Variants in ANK2 observed in about 807,000 individuals in gnomAD.
The protein encoded by ANK2 is ankyrin 2, also known as ankyrin-2.
In ANK2, 83 loss-of-function variants were observed where a neutral mutation model predicts 360.5. That is an observed-to-expected ratio of 0.23 (90% CI 0.19 to 0.28). The LOEUF is 0.28. ANK2 is among the 10% of genes least tolerant of loss of function. ANK2 has a pLI of 1.00. For synonymous variants in ANK2, 1,740 were observed against 1,759.5 expected (o/e 0.99, Z 0.28); for missense variants, 4,201 against 4,795.7 (o/e 0.88, Z 3.66).
At chr4:113,360,292 A>G (rs371011952) in intron 38 of ANK2, among the ~76,000 whole-genome samples, 164 of 152,328 alleles carry the variant, frequency 1.1e-3, no homozygotes, top group African/African-American at 3.7e-3. Flanking sequence ...TCGTTTCTCC[A>G]AGGTCACCAG....
At chr4:112,983,048 T>A (rs929544118) in intron 2 of ANK2, among the ~76,000 whole-genome samples, 1 of 152,190 alleles carries the variant, frequency 6.6e-6, no homozygotes, top group Non-Finnish European at 1.5e-5. Flanking sequence ...ACTAATAATA[T>A]AATAGTAACT....
At chr4:112,785,863 C>A in the ANK2 span, among the ~76,000 whole-genome samples, 1 of 151,998 alleles carries the variant, frequency 6.6e-6, no homozygotes, top group South Asian at 2.1e-4. Context: ...TTTTTTGAGA[C>A]AGTCTCTTGC....
At chr4:113,181,389 G>C (rs1428445715) in intron 2 of ANK2, among the ~76,000 whole-genome samples, 1 of 152,078 alleles carries the variant, frequency 6.6e-6, no homozygotes, top group African/African-American at 2.4e-5. Flanking sequence ...TAGTAGAATC[G>C]CAGCATTTTT....
intron 1 of ANK2, among the ~76,000 whole-genome samples, chr4:113,104,503 C>G (rs1324248406): frequency 6.6e-6 from 1 of 152,138 alleles, no homozygotes; most frequent in Non-Finnish European, 1.5e-5. Context: ...CACCTGAGAT[C>G]AGGAGTTTGA....
intron 22 of ANK2, among the ~76,000 whole-genome samples, chr4:113,299,899 G>A (rs930456378): frequency 6.6e-5 from 10 of 151,940 alleles, no homozygotes; most frequent in African/African-American, 1.7e-4. Flanking sequence ...AGCTGGGCCC[G>A]ATCCCTATGG....
At chr4:113,322,687 G>T (rs555118154) in intron 26 of ANK2, among the ~76,000 whole-genome samples, 262 of 152,214 alleles carry the variant, frequency 1.7e-3, no homozygotes, top group Non-Finnish European at 3.1e-3. Flanking sequence ...GTCTTTTAAA[G>T]AACTTCTTTT....
At chr4:113,115,511 G>A (rs549437280) in intron 1 of ANK2, among the ~76,000 whole-genome samples, 192 of 152,116 alleles carry the variant, frequency 1.3e-3, no homozygotes, top group African/African-American at 4.4e-3. Flanking sequence ...TTTGACTTTC[G>A]AATCAGATTA....
At position 113,237,089 on chromosome 4, in the gene ANK2, C is replaced by T. The variant is rs140717752; in HGVS notation, c.586C>T (p.Leu196=). Residue 196 remains leucine, a synonymous_variant, in exon 6 of 46, where the codon CTG becomes TTG. Transcript: ENST00000357077. ...CAAAGGGAAAGTGAGGCTGCCAGCTCTGCATATTGCCGCTAGGAAAGACGA... is the reference window on the plus strand; with the variant it reads ...CAAAGGGAAAGTGAGGCTGCCAGCTTTGCATATTGCCGCTAGGAAAGACGA... ...DTKGKVRLPA[L]HIAARKDDTK... 23 of 1,614,060 alleles carry T rather than the reference C, an allele frequency of 1.4e-5. No homozygotes were observed. The highest frequency in any genetic ancestry group is 1.8e-5 in the Non-Finnish European group (21 of 1,180,028).
intron 1 of ANK2, among the ~76,000 whole-genome samples, chr4:112,904,121 A>G (rs2084392686): frequency 6.6e-6 from 1 of 152,204 alleles, no homozygotes; most frequent in African/African-American, 2.4e-5. Context: ...GCATTTAGAC[A>G]GACTCTGAAA....
At chr4:112,769,249 TAA>T in the ANK2 span, among the ~76,000 whole-genome samples, 2 of 152,210 alleles carry the variant, frequency 1.3e-5, no homozygotes, top group Non-Finnish European at 2.9e-5. Context: ...CATAGAAAAC[TAA>T]AAGAGATTGG....
At chr4:112,865,031 C>CAAAAAAAA (rs56149739) in intron 1 of ANK2, among the ~76,000 whole-genome samples, 4 of 52,508 alleles carry the variant, frequency 7.6e-5, no homozygotes, top group Non-Finnish European at 1.0e-4. Context: ...GACTCCATCT[C>CAAAAAAAA]AAAAAAAAAA....
intron 5 of ANK2, among the ~76,000 whole-genome samples, chr4:113,234,662 C>T (rs1036942377): frequency 1.3e-5 from 2 of 152,154 alleles, no homozygotes; most frequent in Non-Finnish European, 1.5e-5. Context: ...AAAGAAGGGA[C>T]TTGCCCTGAG....
At chr4:112,894,164 TAAA>T (rs569323034) in intron 1 of ANK2, among the ~76,000 whole-genome samples, 8 of 148,858 alleles carry the variant, frequency 5.4e-5, no homozygotes, top group East Asian at 2.0e-4. Context: ...TGGCTTCTTT[TAAA>T]AAAAAAAATC....
At chr4:113,333,962 A>T (rs7686947) in intron 29 of ANK2, among the ~76,000 whole-genome samples, 36,148 of 152,120 alleles carry the variant, frequency 0.24, 7,787 homozygotes, top group African/African-American at 0.58. Flanking sequence ...AAGGTCCTAG[A>T]CCTAATAGTA....
chr4:113,312,780 C>T (rs562603468), intron 24 of ANK2, among the ~76,000 whole-genome samples: 5 of 152,044 alleles, frequency 3.3e-5, no homozygotes, highest in Admixed American at 1.3e-4. Flanking sequence ...GTGTGGAGGA[C>T]GGGAATTATA....
chr4:113,343,213 T>A (rs575635008), intron 34 of ANK2, 71 bp downstream of exon 34: 1 of 1,555,176 alleles, frequency 6.4e-7, no homozygotes, highest in Non-Finnish European at 8.8e-7. Flanking sequence ...CCTTTAGTAA[T>A]AGAAAATTTT....
intron 2 of ANK2, among the ~76,000 whole-genome samples, chr4:113,010,436 T>A (rs1488427411): frequency 6.6e-6 from 1 of 152,202 alleles, no homozygotes; most frequent in Non-Finnish European, 1.5e-5. Context: ...TCCATTTATT[T>A]ATTCAACAAA....
At chr4:113,307,178 G>C (rs2077591274) in intron 23 of ANK2, among the ~76,000 whole-genome samples, 1 of 152,168 alleles carries the variant, frequency 6.6e-6, no homozygotes, top group South Asian at 2.1e-4. Flanking sequence ...GTAATCAAGA[G>C]AACTCCAGAC....
chr4:112,717,540 G>A, the ANK2 span, among the ~76,000 whole-genome samples: 1 of 152,118 alleles, frequency 6.6e-6, no homozygotes, highest in Non-Finnish European at 1.5e-5. Context: ...TAAATTGTGT[G>A]AGCTTGTAGA....
Sources: gnomAD v4.1 joint callset for allele counts (sites outside exome capture counted in the v4.1 genomes callset) on GRCh38, gnomAD v4.1.1 for gene constraint, MANE v1.5 for transcripts, NCBI Gene and HGNC (gene_info 2026-07-23, HGNC 2026-07-21) for gene names.